PPP2R1A: variants seen among roughly 807,000 people sequenced by gnomAD.
The protein encoded by PPP2R1A is protein phosphatase 2 scaffold subunit Aalpha.
PPP2R1A carries 15 observed loss-of-function variants against 67.1 expected under a neutral mutation model. That is an observed-to-expected ratio of 0.22 (90% CI 0.15 to 0.34). PPP2R1A has a LOEUF of 0.34. PPP2R1A is among the 10% of genes least tolerant of loss of function. The pLI is 1.00. For synonymous variants in PPP2R1A, 337 were observed against 325.0 expected, an observed-to-expected ratio of 1.04 and a Z score of -0.40; for missense variants, 369 against 775.0, an observed-to-expected ratio of 0.48 and a Z score of 6.22.
At position 52,211,799 on chromosome 19, in the gene PPP2R1A, A is replaced by G; in HGVS notation, c.503+307A>G. ...ATAAAGTGCTTAGAGCAAAATCTGG[A>G]ACATAAAAACTTTCAGCAACTTACA... On this transcript the variant is annotated intron_variant, in intron 4 of 14. Coordinates refer to ENST00000322088, the MANE Select transcript of PPP2R1A (RefSeq NM_014225.6). This position sits in a 1 kb window ranked among gnomAD's most constrained non-coding sequence, Gnocchi z 5.3. 2.6e-6 allele frequency: 1 copy of G among 387,564 alleles called. No individual in the cohort carries two copies. The highest frequency in any genetic ancestry group is 2.1e-5 in the African/African-American group (1 of 48,396). 24.0% of individuals were successfully genotyped at this position (387,564 alleles called of 1,614,324 possible).
chr19:52,195,453 A>G (rs1238234032), intron 1 of PPP2R1A, among the ~76,000 whole-genome samples: 3 of 152,192 alleles, frequency 2.0e-5, no homozygotes, highest in African/African-American at 4.8e-5. Flanking sequence ...TCTGCAGCAC[A>G]CGCCAACTGG....
intron 1 of PPP2R1A, among the ~76,000 whole-genome samples, chr19:52,198,544 A>T (rs902746548): frequency 1.3e-5 from 2 of 152,144 alleles, no homozygotes; most frequent in African/African-American, 2.4e-5. Context: ...AAGGATACAG[A>T]TGAAGAGGTG....
At position 52,219,200 on chromosome 19, in the gene PPP2R1A, A is replaced by G. The variant is rs1397556771; in HGVS notation, c.1129-491A>G. Among the ~76,000 whole-genome samples the G allele has an allele frequency of 1.3e-5, 2 of 152,224 alleles. No homozygotes were observed. The highest frequency in any genetic ancestry group is 2.4e-5 in the African/African-American group (1 of 41,460). The stretch of plus-strand genomic sequence containing the variant: ...TATCCTCGGAATGTGCAGGGTTTCA[A>G]CAGCCCAAGCCTGCCAGGCTTGTTC... On this transcript the variant is annotated intron_variant, in intron 9 of 14. Coordinates refer to ENST00000322088, the MANE Select transcript of PPP2R1A (RefSeq NM_014225.6). This position sits in a 1 kb window ranked among gnomAD's most constrained non-coding sequence, Gnocchi z 4.0.
At chr19:52,223,599 C>T (rs1336119602) in intron 13 of PPP2R1A, among the ~76,000 whole-genome samples, 3 of 152,146 alleles carry the variant, frequency 2.0e-5, no homozygotes, top group Admixed American at 2.0e-4. Context: ...AGCCAGTAAG[C>T]ATATGACAAG....
chr19:52,220,912 C>G, intron 11 of PPP2R1A, 67 bp from the exon 12 acceptor site: 1 of 1,563,444 alleles, frequency 6.4e-7, no homozygotes, highest in South Asian at 1.1e-5. Context: ...TGAGTGTGAC[C>G]TACATTTTGC....
intron 14 of PPP2R1A, 70 bp downstream of exon 14, chr19:52,225,878 A>G (rs1979228062): frequency 1.2e-6 from 2 of 1,612,490 alleles, no homozygotes; most frequent in African/African-American, 1.3e-5. Flanking sequence ...GCCTGTGGGC[A>G]GCAGCTTCTG....
Position 52,219,990 on chromosome 19 carries a change from A to G in PPP2R1A, c.1302+126A>G, listed in dbSNP as rs952676303. 2.3e-6 allele frequency: 3 copies of G among 1,319,108 alleles called. No individual in the cohort carries two copies. Among genetic ancestry groups the G allele is most frequent in the Admixed American group, 4.9e-5 (2 of 40,928 alleles). The allele number at this position is 1,319,108 out of a possible 1,614,324, so 81.7% of individuals were successfully genotyped here. Reference sequence around the variant, plus strand: ...GCTGTGACAACTGCCTGGGGAGTCGAAGGAAGGGACCCAGGAAATAGGGCC... The same window carrying G: ...GCTGTGACAACTGCCTGGGGAGTCGGAGGAAGGGACCCAGGAAATAGGGCC... On this transcript the variant is annotated intron_variant, in intron 10 of 14. Coordinates refer to ENST00000322088, the MANE Select transcript of PPP2R1A (RefSeq NM_014225.6). The surrounding 1 kb of genome is among the most constrained non-coding windows in gnomAD (Gnocchi z 4.0).
intron 13 of PPP2R1A, among the ~76,000 whole-genome samples, chr19:52,223,114 C>A (rs1409016666): frequency 6.6e-6 from 1 of 152,150 alleles, no homozygotes; most frequent in African/African-American, 2.4e-5. Flanking sequence ...ATCAAGGGTA[C>A]AGAAACAGTC....
intron 2 of PPP2R1A, among the ~76,000 whole-genome samples, chr19:52,204,884 G>A (rs1384899668): frequency 6.6e-6 from 1 of 152,218 alleles, no homozygotes; most frequent in Admixed American, 6.5e-5. Context: ...GAACAGCCCT[G>A]TGGTGATTTA....
intron 13 of PPP2R1A, 37 bp downstream of exon 13, chr19:52,222,278 C>T (rs1325157577): frequency 4.4e-6 from 7 of 1,597,076 alleles, no homozygotes; most frequent in South Asian, 2.2e-5. Flanking sequence ...CTGGCAGGGG[C>T]TTCTTGTGGG....
In PPP2R1A at chr19:52,212,557, A is replaced by G. The variant is rs112253320; in HGVS notation, c.504-129A>G. On this transcript the variant is annotated intron_variant, in intron 4 of 14. Coordinates refer to ENST00000322088, the MANE Select transcript of PPP2R1A (RefSeq NM_014225.6). The surrounding 1 kb of genome is among the most constrained non-coding windows in gnomAD (Gnocchi z 4.1). ...AGCTCCGTTTCATAGGGCTGGGAAG[A>G]CAGAGAGGGGGTCATCACTTGCCCA... The G allele has an allele frequency of 1.5e-3, 1,728 of 1,122,274 alleles. 21 individuals carry two copies. In the African/African-American group the frequency reaches 0.024, roughly 15 times the overall value. 69.5% of individuals were successfully genotyped at this position (1,122,274 alleles called of 1,614,324 possible). A position where few individuals can be genotyped will look rare whatever the true frequency, so the allele number is the denominator to read the frequency against.
At chr19:52,223,593 A>G (rs1241165470) in intron 13 of PPP2R1A, among the ~76,000 whole-genome samples, 4 of 152,256 alleles carry the variant, frequency 2.6e-5, no homozygotes, top group Non-Finnish European at 5.9e-5. Flanking sequence ...CCAAATAGCC[A>G]GTAAGCATAT....
chr19:52,210,515 C>T (rs1181191775), intron 3 of PPP2R1A, among the ~76,000 whole-genome samples: 9 of 135,462 alleles, frequency 6.6e-5, no homozygotes, highest in Non-Finnish European at 1.2e-4. Flanking sequence ...CTTTTTGAGA[C>T]GGAGTCTCGC....
rs538316419 is a variant in PPP2R1A at position 52,228,819 on chromosome 19, C to T, written c.*2838C>T. ...TTTTTGCCAACAGCCTCTTCACTGA[C>T]CCCTTCCTTCCACTGCATTGACCCA... On this transcript the variant is annotated 3_prime_UTR_variant, in exon 15 of 15. Coordinates refer to ENST00000322088, the MANE Select transcript of PPP2R1A (RefSeq NM_014225.6). 1 of 152,416 alleles carries T rather than the reference C, an allele frequency of 6.6e-6. No individual in the cohort carries two copies. The highest frequency in any genetic ancestry group is 2.4e-5 in the African/African-American group (1 of 41,582). The allele number at this position is 152,416 out of a possible 1,614,324, so 9.4% of individuals were successfully genotyped here. A position where few individuals can be genotyped will look rare whatever the true frequency, so the allele number is the denominator to read the frequency against.
chr19:52,222,078 C>T, intron 12 of PPP2R1A, 21 bp from the exon 13 acceptor site: 1 of 1,591,774 alleles, frequency 6.3e-7, no homozygotes, highest in Non-Finnish European at 8.6e-7. Context: ...ATACTCACCC[C>T]TGCCACTCAC....
rs936505092 is a variant in PPP2R1A, at chr19:52,228,541, C to T, written c.*2560C>T. The T allele has an allele frequency of 6.6e-6, 1 of 152,168 alleles. No homozygotes were observed. Among genetic ancestry groups the T allele is most frequent in the East Asian group, 1.9e-4 (1 of 5,180 alleles). The allele number at this position is 152,168 out of a possible 1,614,324, so 9.4% of individuals were successfully genotyped here. A position where few individuals can be genotyped will look rare whatever the true frequency, so the allele number is the denominator to read the frequency against. On this transcript the variant is annotated 3_prime_UTR_variant, in exon 15 of 15. Coordinates refer to ENST00000322088, the MANE Select transcript of PPP2R1A (RefSeq NM_014225.6). ...ATTGTTAGGAGTGGTTCCTAATCTC[C>T]CAGGCTGCAGGCTTTGTTTGCTCCA... is the stretch of plus-strand genomic sequence containing the variant.
At chr19:52,220,802 T>C (rs1978869235) in intron 11 of PPP2R1A, among the ~76,000 whole-genome samples, 177 bp from the exon 12 acceptor site, 1 of 151,258 alleles carries the variant, frequency 6.6e-6, no homozygotes, top group African/African-American at 2.4e-5. Flanking sequence ...AGATACTGTA[T>C]AAAAAAAAAC....
rs1263469028 is a variant in PPP2R1A, at chr19:52,225,702, C to T, written c.1662-15C>T. 1 of 1,612,550 alleles carries T rather than the reference C, an allele frequency of 6.2e-7. No homozygotes were observed. Among genetic ancestry groups the T allele is most frequent in the Non-Finnish European group, 8.5e-7 (1 of 1,178,662 alleles). On this transcript the variant is annotated splice_polypyrimidine_tract_variant and intron_variant, in intron 13 of 14. Coordinates refer to ENST00000322088, the MANE Select transcript of PPP2R1A (RefSeq NM_014225.6). ...TGGCTCACCCTCTCTCTCCCTGTCT[C>T]CTTTCGCTTTCCAGCACCTTGCAGA...
At chr19:52,222,009 G>T in intron 12 of PPP2R1A, 90 bp from the exon 13 acceptor site, 1 of 1,355,948 alleles carries the variant, frequency 7.4e-7, no homozygotes, top group South Asian at 1.4e-5. Context: ...GGGGCCTGAT[G>T]ATCACCAGAG....
Sources: gnomAD v4.1 joint callset for allele counts (sites outside exome capture counted in the v4.1 genomes callset) on GRCh38, gnomAD v4.1.1 for gene constraint, Gnocchi (gnomAD v3.1) non-coding constraint, MANE v1.5 for transcripts, NCBI Gene and HGNC (gene_info 2026-07-23, HGNC 2026-07-21) for gene names.